Variants in SLC35F3 observed in about 807,000 individuals in gnomAD.
SLC35F3 encodes the protein solute carrier family 35 member F3, also known as putative thiamine transporter SLC35F3.
In SLC35F3, 25 loss-of-function variants were observed where a neutral mutation model predicts 49.9. That is an observed-to-expected ratio of 0.50 (90% CI 0.37 to 0.70). The LOEUF is 0.70. SLC35F3 is among the 30% of genes least tolerant of loss of function. The probability of loss-of-function intolerance (pLI) is 0.00; values close to 1 mark genes in which losing one functional copy is unlikely to be tolerated. For synonymous variants in SLC35F3, 275 were observed against 265.4 expected (o/e 1.04, Z -0.35); for missense variants, 525 against 639.8 (o/e 0.82, Z 1.94).
intron 3 of SLC35F3, among the ~76,000 whole-genome samples, chr1:234,307,082 G>A (rs953750393): frequency 2.1e-4 from 32 of 152,288 alleles, no homozygotes; most frequent in Middle Eastern, 3.4e-3. Context: ...CATCATTCAC[G>A]GTCACTGCCC....
chr1:234,274,886 A>G (rs1668174206), intron 3 of SLC35F3, among the ~76,000 whole-genome samples: 1 of 152,252 alleles, frequency 6.6e-6, no homozygotes, highest in African/African-American at 2.4e-5. Context: ...AAAAAATGCC[A>G]TGCAGAATAC....
At chr1:234,237,903 C>T (rs943967661) in intron 3 of SLC35F3, among the ~76,000 whole-genome samples, 1 of 152,028 alleles carries the variant, frequency 6.6e-6, no homozygotes, top group African/African-American at 2.4e-5. Flanking sequence ...GAGGTTTCGC[C>T]ATGTTGCCCA....
chr1:233,989,132 A>T (rs1381016480), intron 2 of SLC35F3, among the ~76,000 whole-genome samples: 1 of 152,232 alleles, frequency 6.6e-6, no homozygotes, highest in African/African-American at 2.4e-5. Flanking sequence ...GTACCAGAGG[A>T]GTATAGGGAA....
In SLC35F3 at chr1:234,076,077, A is replaced by G. The variant is rs182527795; in HGVS notation, c.284-155340A>G. On this transcript the variant is annotated intron_variant, in intron 2 of 7. Transcript: ENST00000366618. ...AACCTTGGCAAAATAAAATTCTGAA[A>G]TGATTGAGACCTGTCTCAGATACTT... 3.3e-5 allele frequency among the ~76,000 whole-genome samples: 5 copies of G among 152,336 alleles called. No individual in the cohort carries two copies. In the East Asian group the frequency reaches 9.7e-4, roughly 29 times the overall value.
chr1:234,180,270 T>A (rs781486518), intron 2 of SLC35F3, among the ~76,000 whole-genome samples: 15 of 152,194 alleles, frequency 9.9e-5, no homozygotes, highest in Non-Finnish European at 2.2e-4. Context: ...TGCCTAATGA[T>A]CTTAGGGTCA....
intron 2 of SLC35F3, among the ~76,000 whole-genome samples, chr1:234,066,826 TCTCCCACACA>T (rs1469674031): frequency 6.7e-4 from 85 of 126,438 alleles, no homozygotes; most frequent in African/African-American, 2.7e-3. Context: ...TGTCCCTCTC[TCTCCCACACA>T]CACACACACA....
intron 2 of SLC35F3, among the ~76,000 whole-genome samples, chr1:233,938,804 G>T (rs564792156): frequency 2.6e-5 from 4 of 152,056 alleles, no homozygotes; most frequent in Non-Finnish European, 4.4e-5. Flanking sequence ...CTGAATGATC[G>T]GAAAGGAAAG....
Position 234,214,308 on chromosome 1 carries a change from C to A in SLC35F3, c.284-17109C>A. ...GGGGAGGATGTGCGCTGCAGGGCGG[C>A]CGCCGCAGTGAGCAACGCGGCAACC... On this transcript the variant is annotated intron_variant, in intron 2 of 7. Coordinates refer to ENST00000366618, the MANE Select transcript of SLC35F3 (RefSeq NM_173508.4). The surrounding 1 kb of genome is among the most constrained non-coding windows in gnomAD (Gnocchi z 8.0). 2 of 1,298,196 alleles carry A rather than the reference C, an allele frequency of 1.5e-6. No homozygotes were observed. The highest frequency in any genetic ancestry group is 1.9e-6 in the Non-Finnish European group (2 of 1,026,890). 80.4% of individuals were successfully genotyped at this position (1,298,196 alleles called of 1,614,324 possible).
intron 3 of SLC35F3, among the ~76,000 whole-genome samples, chr1:234,275,331 T>C (rs1668186129): frequency 6.9e-6 from 1 of 144,674 alleles, no homozygotes; most frequent in South Asian, 2.2e-4. Context: ...CATCCCAAAA[T>C]CCCAAAAAAA....
intron 2 of SLC35F3, among the ~76,000 whole-genome samples, chr1:233,946,311 T>C (rs1270916606): frequency 6.6e-6 from 1 of 152,238 alleles, no homozygotes; most frequent in Non-Finnish European, 1.5e-5. Flanking sequence ...AGGATACATG[T>C]TTCATCTGAA....
intron 2 of SLC35F3, among the ~76,000 whole-genome samples, chr1:234,029,413 A>G (rs1033256796): frequency 9.9e-5 from 15 of 152,204 alleles, no homozygotes; most frequent in Admixed American, 2.6e-4. Flanking sequence ...GGAGCAGTCA[A>G]TGGTGACGGG....
At chr1:234,280,462 G>A (rs1225007179) in intron 3 of SLC35F3, among the ~76,000 whole-genome samples, 2 of 152,166 alleles carry the variant, frequency 1.3e-5, no homozygotes, top group Non-Finnish European at 2.9e-5. Context: ...TCTGTTTATT[G>A]GAAGCCAATG....
intron 4 of SLC35F3, among the ~76,000 whole-genome samples, chr1:234,312,990 C>A (rs548300927): frequency 6.6e-6 from 1 of 152,200 alleles, no homozygotes; most frequent in African/African-American, 2.4e-5. Context: ...GATCCTTTCA[C>A]CTCAACCTCC....
At chr1:233,937,420 T>C (rs565796049) in intron 2 of SLC35F3, among the ~76,000 whole-genome samples, 93 of 152,382 alleles carry the variant, frequency 6.1e-4, no homozygotes, top group African/African-American at 2.2e-3. Context: ...TGTCCAAGGC[T>C]GCCTGTCTGA....
chr1:234,024,754 C>T (rs1663952367), intron 2 of SLC35F3, among the ~76,000 whole-genome samples: 1 of 152,162 alleles, frequency 6.6e-6, no homozygotes, highest in African/African-American at 2.4e-5. Context: ...ACCCTCGTGA[C>T]CCCATCACCT....
At chr1:233,929,834 A>G (rs6680014) in intron 2 of SLC35F3, among the ~76,000 whole-genome samples, 141,571 of 152,224 alleles carry the variant, frequency 0.93, 66,704 homozygotes, top group East Asian at 1. Flanking sequence ...AACTACAGGG[A>G]TTAGAATAAG....
chr1:234,158,950 GA>G (rs1473166941), intron 2 of SLC35F3, among the ~76,000 whole-genome samples: 2 of 152,076 alleles, frequency 1.3e-5, no homozygotes, highest in African/African-American at 2.4e-5. Context: ...ATACTTTTAT[GA>G]AATAAATAAT....
At chr1:233,977,083 G>T (rs1663104868) in intron 2 of SLC35F3, among the ~76,000 whole-genome samples, 1 of 152,108 alleles carries the variant, frequency 6.6e-6, no homozygotes, top group Non-Finnish European at 1.5e-5. Flanking sequence ...TGGTGAAAGG[G>T]GCTCTGCGCA....
At chr1:234,090,973 G>A (rs1665035758) in intron 2 of SLC35F3, among the ~76,000 whole-genome samples, 1 of 152,108 alleles carries the variant, frequency 6.6e-6, no homozygotes, top group African/African-American at 2.4e-5. Context: ...TTTCTTCAAG[G>A]GTTCCTGACA....
Sources: gnomAD v4.1 joint callset for allele counts (sites outside exome capture counted in the v4.1 genomes callset) on GRCh38, gnomAD v4.1.1 for gene constraint, Gnocchi (gnomAD v3.1) non-coding constraint, MANE v1.5 for transcripts, NCBI Gene and HGNC (gene_info 2026-07-23, HGNC 2026-07-21) for gene names.